PTPRD: variants seen among roughly 807,000 people sequenced by gnomAD.
PTPRD encodes the protein receptor-type tyrosine-protein phosphatase delta.
In PTPRD, 34 loss-of-function variants were observed where a neutral mutation model predicts 214.5. The ratio of observed to expected loss-of-function variants is 0.16; its 90% CI spans 0.12 to 0.21. The LOEUF (loss-of-function observed/expected upper bound fraction) is 0.21. Ranked by LOEUF, PTPRD falls within the 10% of genes least tolerant of loss-of-function variation. The pLI, the probability that PTPRD is intolerant of heterozygous loss-of-function variation, is 1.00. For synonymous variants in PTPRD, 1,128 were observed against 845.7 expected (o/e 1.33, Z -5.79); for missense variants, 2,545 against 2,398.7 (o/e 1.06, Z -1.27).
intron 2 of PTPRD, among the ~76,000 whole-genome samples, chr9:10,511,996 G>GTATATATATATATATACGTGTGTGTGTA (rs371474357): frequency 1.2e-5 from 1 of 81,886 alleles, no homozygotes; most frequent in African/African-American, 5.6e-5. Flanking sequence ...ATACGTGTGT[G>GTATATATATATATATACGTGTGTGTGTA]TATATATATA....
At chr9:10,089,989 C>G (rs190879819) in intron 3 of PTPRD, among the ~76,000 whole-genome samples, 1 of 151,478 alleles carries the variant, frequency 6.6e-6, no homozygotes, top group African/African-American at 2.4e-5. Flanking sequence ...TTTCATAAGG[C>G]AAGATATTCC....
At chr9:9,632,862 T>G (rs2095636550) in intron 7 of PTPRD, among the ~76,000 whole-genome samples, 1 of 152,152 alleles carries the variant, frequency 6.6e-6, no homozygotes, top group South Asian at 2.1e-4. Flanking sequence ...TGAGCAAGTG[T>G]TAATGAACAA....
chr9:10,509,769 G>C (rs1242961308), intron 2 of PTPRD, among the ~76,000 whole-genome samples: 1 of 151,236 alleles, frequency 6.6e-6, no homozygotes, highest in Admixed American at 6.6e-5. Context: ...TATGTTCCTT[G>C]TTATTAGAAT....
intron 7 of PTPRD, among the ~76,000 whole-genome samples, chr9:9,615,842 C>T (rs529427714): frequency 2.0e-5 from 3 of 152,258 alleles, no homozygotes; most frequent in East Asian, 3.9e-4. Flanking sequence ...AGAAAATGTA[C>T]TCAGAGCCAA....
chr9:8,743,890 G>A (rs756164899), intron 11 of PTPRD, among the ~76,000 whole-genome samples: 13 of 150,572 alleles, frequency 8.6e-5, no homozygotes, highest in South Asian at 2.1e-4. Context: ...TCCATACATC[G>A]ACATAGGACT....
chr9:9,624,198 G>C (rs187971276), intron 7 of PTPRD, among the ~76,000 whole-genome samples: 76 of 152,044 alleles, frequency 5.0e-4, no homozygotes, highest in Non-Finnish European at 8.7e-4. Flanking sequence ...TTTTTTAATT[G>C]CACTATTAAC....
chr9:10,524,967 C>T (rs1458674696), intron 2 of PTPRD, among the ~76,000 whole-genome samples: 1 of 150,804 alleles, frequency 6.6e-6, no homozygotes, highest in Non-Finnish European at 1.5e-5. Flanking sequence ...TTGGTGGGCT[C>T]ATAGTAGGGT....
intron 12 of PTPRD, among the ~76,000 whole-genome samples, chr9:8,638,324 C>T (rs2096492617): frequency 6.6e-6 from 1 of 152,114 alleles, no homozygotes; most frequent in Admixed American, 6.5e-5. Context: ...ATGTTTCCCA[C>T]ATGGTGTTCC....
intron 3 of PTPRD, among the ~76,000 whole-genome samples, chr9:10,257,449 A>G (rs958203161): frequency 3.3e-5 from 5 of 152,178 alleles, no homozygotes; most frequent in African/African-American, 1.2e-4. Flanking sequence ...TCACCATCAG[A>G]GAGAAAAATT....
intron 7 of PTPRD, among the ~76,000 whole-genome samples, chr9:9,585,900 T>C (rs182502809): frequency 1.9e-4 from 29 of 152,092 alleles, no homozygotes; most frequent in African/African-American, 6.7e-4. Context: ...TAAATTAACA[T>C]GGAGAAACTG....
chr9:9,796,750 C>T (rs1248480624), intron 5 of PTPRD, among the ~76,000 whole-genome samples: 1 of 152,112 alleles, frequency 6.6e-6, no homozygotes, highest in African/African-American at 2.4e-5. Flanking sequence ...GCAAAGTCTT[C>T]AGGAATGAAA....
intron 10 of PTPRD, among the ~76,000 whole-genome samples, chr9:9,108,280 T>C (rs1343373478): frequency 3.9e-5 from 6 of 152,160 alleles, no homozygotes; most frequent in Non-Finnish European, 4.4e-5. Flanking sequence ...TCTTTAAATG[T>C]AGCTATAATC....
intron 8 of PTPRD, among the ~76,000 whole-genome samples, chr9:9,572,172 G>C (rs1312511838): frequency 6.6e-6 from 1 of 151,386 alleles, no homozygotes; most frequent in African/African-American, 2.4e-5. Context: ...CAAATATTCA[G>C]TGGTGCTCTG....
At chr9:8,409,638 CCT>C (rs1458772125) in intron 35 of PTPRD, among the ~76,000 whole-genome samples, 2 of 152,124 alleles carry the variant, frequency 1.3e-5, no homozygotes, top group Non-Finnish European at 2.9e-5. Flanking sequence ...CAAAATTCAA[CCT>C]TTTTACCCAG....
intron 15 of PTPRD, 192 bp downstream of exon 15, chr9:8,528,399 A>C: frequency 1.6e-6 from 1 of 642,162 alleles, no homozygotes; most frequent in Non-Finnish European, 2.7e-6. Context: ...CACAGAGAAA[A>C]GGAGAAAGAC....
At chr9:8,601,202 C>G (rs2094837678) in intron 14 of PTPRD, among the ~76,000 whole-genome samples, 2 of 152,148 alleles carry the variant, frequency 1.3e-5, no homozygotes, top group Admixed American at 1.3e-4. Flanking sequence ...TGTCATATGG[C>G]TTTATTGCCA....
chr9:10,504,863 T>C (rs1159937321), intron 2 of PTPRD, among the ~76,000 whole-genome samples: 2 of 152,162 alleles, frequency 1.3e-5, no homozygotes, highest in African/African-American at 2.4e-5. Flanking sequence ...CTTACTATTA[T>C]ATTAGGAGAT....
chr9:9,575,887 C>T (rs1261857457), intron 7 of PTPRD, among the ~76,000 whole-genome samples: 2 of 151,448 alleles, frequency 1.3e-5, no homozygotes, highest in Non-Finnish European at 2.9e-5. Context: ...TTGTTTAATG[C>T]TTGATAGATA....
chr9:8,322,742 G>A (rs892351495), intron 44 of PTPRD, among the ~76,000 whole-genome samples: 2 of 152,138 alleles, frequency 1.3e-5, no homozygotes, highest in African/African-American at 4.8e-5. Context: ...CATTAAAAAA[G>A]AGATCTTCAA....
Sources: allele counts gnomAD v4.1 joint callset (sites outside exome capture counted in the v4.1 genomes callset), GRCh38; gene constraint gnomAD v4.1.1; transcripts MANE v1.5; gene names NCBI Gene and HGNC (gene_info 2026-07-23, HGNC 2026-07-21).